SF3A3: variants seen among roughly 807,000 people sequenced by gnomAD.
SF3A3 encodes SAP 61.
A neutral mutation model predicts 85.8 loss-of-function variants in SF3A3; 9 were observed. The ratio of observed to expected loss-of-function variants is 0.10; its 90% CI spans 0.06 to 0.18. SF3A3 has a LOEUF of 0.18. Among genes scored for constraint, SF3A3 ranks in the 10% least tolerant of loss-of-function variants. SF3A3 has a pLI of 1.00. For synonymous variants in SF3A3, 195 were observed against 204.4 expected, an observed-to-expected ratio of 0.95 and a Z score of 0.39; for missense variants, 306 against 593.3, an observed-to-expected ratio of 0.52 and a Z score of 5.03.
chr1:37,985,944 C>T (rs910279798), intron 4 of SF3A3, among the ~76,000 whole-genome samples: 4 of 136,220 alleles, frequency 2.9e-5, no homozygotes, highest in South Asian at 2.3e-4. Flanking sequence ...CTTTTTCCTA[C>T]CAGACTTTTT....
intron 12 of SF3A3, among the ~76,000 whole-genome samples, chr1:37,971,493 C>T (rs1187657057): frequency 6.6e-6 from 1 of 152,224 alleles, no homozygotes; most frequent in Non-Finnish European, 1.5e-5. Context: ...GGAATCCTCC[C>T]TAACTCATTT....
intron 9 of SF3A3, 70 bp downstream of exon 9, chr1:37,979,395 G>A (rs1035900783): frequency 8.7e-7 from 1 of 1,151,546 alleles, no homozygotes; most frequent in Non-Finnish European, 1.3e-6. Flanking sequence ...TGGTATTAAA[G>A]ACAGGAGAGC....
Position 37,989,957 on chromosome 1 carries a change from T to G in SF3A3, c.9A>C (p.Thr3=). 1 of 1,611,046 alleles carries G rather than the reference T, an allele frequency of 6.2e-7. No individual in the cohort carries two copies. The highest frequency in any genetic ancestry group is 1.1e-5 in the South Asian group (1 of 91,072). ME[T]ILEQQRRYHE... is the part of the protein sequence containing the mutation. Reference sequence around the variant, plus strand: ...GATAGCGCCGCTGCTGCTCCAGTATTGTCTCCATCTTCCCTTAGTCGCGGC... The same window carrying G: ...GATAGCGCCGCTGCTGCTCCAGTATGGTCTCCATCTTCCCTTAGTCGCGGC... Residue 3 remains threonine, a synonymous_variant, in exon 1 of 17, where the codon ACA becomes ACC. Coordinates refer to ENST00000373019, the MANE Select transcript of SF3A3 (RefSeq NM_006802.4).
chr1:37,971,790 T>C (rs974206317), intron 12 of SF3A3, among the ~76,000 whole-genome samples: 1 of 152,174 alleles, frequency 6.6e-6, no homozygotes, highest in African/African-American at 2.4e-5. Flanking sequence ...GAAAAGGCCT[T>C]TGACAAAATT....
At chr1:37,983,941 TA>T (rs148810014) in intron 6 of SF3A3, among the ~76,000 whole-genome samples, 35 of 147,078 alleles carry the variant, frequency 2.4e-4, no homozygotes, top group African/African-American at 6.2e-4. Flanking sequence ...CATCTCAAAA[TA>T]AAAAAAAAAG....
At chr1:37,977,707 C>T (rs1344860557) in intron 11 of SF3A3, among the ~76,000 whole-genome samples, 2 of 151,870 alleles carry the variant, frequency 1.3e-5, no homozygotes, top group African/African-American at 2.4e-5. Context: ...GGCATGGTGG[C>T]GCACTCTGGT....
intron 9 of SF3A3, 114 bp from the exon 10 acceptor site, chr1:37,979,169 G>A: frequency 1.2e-6 from 1 of 807,220 alleles, no homozygotes. Flanking sequence ...ACATTTCACA[G>A]CCAATCTAGC....
chr1:37,960,232 A>C, intron 15 of SF3A3, 57 bp from the exon 16 acceptor site: 2 of 1,488,652 alleles, frequency 1.3e-6, no homozygotes, highest in South Asian at 2.3e-5. Flanking sequence ...TTGGGTATCC[A>C]GTGTTATAAT....
intron 12 of SF3A3, among the ~76,000 whole-genome samples, chr1:37,975,885 G>A (rs974815324): frequency 3.9e-5 from 6 of 152,176 alleles, no homozygotes; most frequent in Admixed American, 3.9e-4. Flanking sequence ...GGCTGGGCGC[G>A]GTGGCTCACG....
At position 37,984,618 on chromosome 1, in the gene SF3A3, T is replaced by C; in HGVS notation, c.376+89A>G. On this transcript the variant is annotated intron_variant, in intron 5 of 16. Transcript: ENST00000373019. The stretch of plus-strand genomic sequence containing the variant: ...CAAAACCAGCAAGAAATCCTGGCTA[T>C]AAATATCTCTGAGGCCATGGCTGCA... 4.4e-6 allele frequency: 4 copies of C among 902,038 alleles called. 1 individual carries two copies. The South Asian group carries it at 5.5e-5, about 12-fold the overall frequency. The allele number at this position is 902,038 out of a possible 1,614,324, so 55.9% of individuals were successfully genotyped here.
chr1:37,968,137 G>A lies in SF3A3; in HGVS notation c.1282-3C>T, dbSNP rs1415022692. 3 of 1,597,734 alleles carry A rather than the reference G, an allele frequency of 1.9e-6. No individual in the cohort carries two copies. Among genetic ancestry groups the A allele is most frequent in the Non-Finnish European group, 2.6e-6 (3 of 1,165,290 alleles). On this transcript the variant is annotated splice_polypyrimidine_tract_variant and splice_region_variant and intron_variant, in intron 14 of 16. Transcript: ENST00000373019. ...ATGCCATGAGCATGACGCCATTCCT[G>A]GGAGAAGAGAGAAGCAAAAGGATCA...
At chr1:37,963,705 C>T (rs1193236284) in intron 15 of SF3A3, among the ~76,000 whole-genome samples, 1 of 150,532 alleles carries the variant, frequency 6.6e-6, no homozygotes, top group East Asian at 2.0e-4. Context: ...TACAGGCGCC[C>T]GCCACAACGT....
chr1:37,985,949 C>CATT (rs771418264), intron 4 of SF3A3, among the ~76,000 whole-genome samples: 2 of 118,942 alleles, frequency 1.7e-5, no homozygotes, highest in Non-Finnish European at 3.3e-5. Flanking sequence ...TCCTACCAGA[C>CATT]TTTTTTTTTT....
chr1:37,983,700 C>T (rs1308483748), intron 6 of SF3A3, among the ~76,000 whole-genome samples: 3 of 151,268 alleles, frequency 2.0e-5, no homozygotes, highest in Admixed American at 1.3e-4. Flanking sequence ...TGTGGGAGGC[C>T]GAGACAGGAG....
At chr1:37,966,720 T>C (rs1024259623) in intron 15 of SF3A3, among the ~76,000 whole-genome samples, 10 of 151,266 alleles carry the variant, frequency 6.6e-5, no homozygotes, top group Non-Finnish European at 1.3e-4. Flanking sequence ...GCAGATCACC[T>C]GAGGTCAGGA....
intron 4 of SF3A3, among the ~76,000 whole-genome samples, chr1:37,986,684 C>T (rs530376495): frequency 1.3e-5 from 2 of 151,838 alleles, no homozygotes; most frequent in African/African-American, 4.8e-5. Context: ...TGGTGGCAGG[C>T]ACCTGTAGTC....
chr1:37,967,902 C>A, intron 15 of SF3A3, 142 bp downstream of exon 15: 1 of 647,674 alleles, frequency 1.5e-6, no homozygotes, highest in Non-Finnish European at 2.9e-6. Flanking sequence ...AACAGAAATG[C>A]AATAATTATA....
At chr1:37,967,516 A>G (rs1156554230) in intron 15 of SF3A3, among the ~76,000 whole-genome samples, 1 of 151,622 alleles carries the variant, frequency 6.6e-6, no homozygotes, top group Non-Finnish European at 1.5e-5. Flanking sequence ...TGTCTCTACT[A>G]AAAACACAAA....
Position 37,987,905 on chromosome 1 carries a change from G to A in SF3A3, c.145-69C>T, listed in dbSNP as rs1003478308. The A allele has an allele frequency of 1.4e-5, 18 of 1,272,316 alleles. No homozygotes were observed. The East Asian group carries it at 3.0e-4, about 21-fold the overall frequency. 78.8% of individuals were successfully genotyped at this position (1,272,316 alleles called of 1,614,324 possible). On this transcript the variant is annotated intron_variant, in intron 2 of 16. Transcript: ENST00000373019. ...AACTGTAGAGCTAAGCAAACAACAA[G>A]GGTTCTCCAGTCAAAGCCCAGGGCA...
Sources: gnomAD v4.1 joint callset for allele counts (sites outside exome capture counted in the v4.1 genomes callset) on GRCh38, gnomAD v4.1.1 for gene constraint, MANE v1.5 for transcripts, NCBI Gene and HGNC (gene_info 2026-07-23, HGNC 2026-07-21) for gene names.